Variants in HDAC9 observed in about 807,000 individuals in gnomAD.
The protein encoded by HDAC9 is MEF-2 interacting transcription repressor (MITR) protein.
A neutral mutation model predicts 139.4 loss-of-function variants in HDAC9; 41 were observed. The observed-to-expected ratio is 0.29, with a 90% confidence interval of 0.23 to 0.38. The LOEUF is 0.38. Among genes scored for constraint, HDAC9 ranks in the 10% least tolerant of loss-of-function variants. The pLI, the probability that HDAC9 is intolerant of heterozygous loss-of-function variation, is 1.00. For missense variants in HDAC9, 1,147 were observed against 1,297.0 expected (o/e 0.88, Z 1.78); for synonymous variants, 517 against 476.2 (o/e 1.09, Z -1.12).
chr7:18,414,307 A>G (rs1322982698), intron 1 of HDAC9, among the ~76,000 whole-genome samples: 1 of 152,144 alleles, frequency 6.6e-6, no homozygotes, highest in Non-Finnish European at 1.5e-5. Flanking sequence ...GATGTCCATT[A>G]AAGGACAAAA....
intron 1 of HDAC9, among the ~76,000 whole-genome samples, chr7:18,357,904 G>T (rs1783450110): frequency 6.6e-6 from 1 of 152,154 alleles, no homozygotes; most frequent in Non-Finnish European, 1.5e-5. Context: ...TTGTTTCTAG[G>T]TTGAGTGATG....
chr7:18,372,889 T>G (rs1416063612), intron 1 of HDAC9, among the ~76,000 whole-genome samples: 1 of 152,230 alleles, frequency 6.6e-6, no homozygotes, highest in Non-Finnish European at 1.5e-5. Flanking sequence ...AACAGATTTC[T>G]CTATTCATAA....
intron 8 of HDAC9, among the ~76,000 whole-genome samples, chr7:18,641,328 G>T (rs1486290992): frequency 1.3e-5 from 2 of 151,950 alleles, no homozygotes; most frequent in Admixed American, 6.6e-5. Context: ...CCAGCACTTG[G>T]CCCATTTCAT....
chr7:18,760,279 C>T (rs1275527661), intron 14 of HDAC9, among the ~76,000 whole-genome samples: 1 of 152,128 alleles, frequency 6.6e-6, no homozygotes, highest in Non-Finnish European at 1.5e-5. Flanking sequence ...ATTCTCCACC[C>T]CCTGAAATCT....
At position 18,211,244 on chromosome 7, in the gene HDAC9, T is replaced by C. The variant is rs113714790; in HGVS notation, c.25+48895T>C. Among the ~76,000 whole-genome samples the C allele has an allele frequency of 9.4e-3, 1,433 of 152,328 alleles. 21 individuals carry two copies. Among genetic ancestry groups the C allele is most frequent in the African/African-American group, 0.033 (1,356 of 41,576 alleles). On this transcript the variant is annotated intron_variant, in intron 2 of 12. Transcript: ENST00000417496. ...ATACCTTTGGGCTTGTATGAAGATCTGCTCATCATAGAAGCCCACTTACCT... is the reference window on the plus strand; with the variant it reads ...ATACCTTTGGGCTTGTATGAAGATCCGCTCATCATAGAAGCCCACTTACCT...
At chr7:18,937,458 G>A (rs544795158) in intron 23 of HDAC9, among the ~76,000 whole-genome samples, 2 of 152,256 alleles carry the variant, frequency 1.3e-5, no homozygotes, top group South Asian at 4.1e-4. Context: ...TTTCTAAAAT[G>A]TTAGTGTCTT....
In HDAC9 at chr7:18,829,205, A is replaced by G. The variant is rs769897023; in HGVS notation, c.2367A>G (p.Glu789=). ...VVRPPGHHAE[E]STAMGFCFFN... The stretch of plus-strand genomic sequence containing the variant: ...GGCCCCCTGGCCATCACGCTGAAGA[A>G]TCCACAGCCATGTAAGTACCAGGGA... Residue 789 remains glutamate, a synonymous_variant, in exon 18 of 26, where the codon GAA becomes GAG. Coordinates refer to ENST00000686413, the MANE Select transcript of HDAC9 (RefSeq NM_178425.4). The G allele has an allele frequency of 2.5e-6, 4 of 1,612,534 alleles. No homozygotes were observed. Among genetic ancestry groups the G allele is most frequent in the Non-Finnish European group, 3.4e-6 (4 of 1,178,520 alleles).
chr7:18,816,692 G>A (rs1166775992), intron 17 of HDAC9, among the ~76,000 whole-genome samples: 1 of 152,154 alleles, frequency 6.6e-6, no homozygotes, highest in Non-Finnish European at 1.5e-5. Context: ...CAGAGAGTGA[G>A]AGCAGGGGAA....
At chr7:18,672,118 G>C (rs1795708904) in intron 12 of HDAC9, among the ~76,000 whole-genome samples, 1 of 151,718 alleles carries the variant, frequency 6.6e-6, no homozygotes, top group Non-Finnish European at 1.5e-5. Flanking sequence ...TTAACTTTTC[G>C]AGGAACTGTC....
At chr7:18,296,481 C>G (rs1364699829) in intron 1 of HDAC9, among the ~76,000 whole-genome samples, 1 of 151,940 alleles carries the variant, frequency 6.6e-6, no homozygotes, top group Non-Finnish European at 1.5e-5. Flanking sequence ...ATAACTAACG[C>G]AGGATATGGA....
chr7:18,946,036 C>CAAAATAAAAAAAAAAAAAAA (rs1563077235), intron 23 of HDAC9, among the ~76,000 whole-genome samples: 28 of 38,274 alleles, frequency 7.3e-4, no homozygotes, highest in South Asian at 5.6e-3. Flanking sequence ...GACTCCGTCT[C>CAAAATAAAAAAAAAAAAAAA]AAAAAAAAAA....
intron 2 of HDAC9, among the ~76,000 whole-genome samples, chr7:18,164,312 A>AG (rs1562695079): frequency 6.6e-6 from 1 of 152,124 alleles, no homozygotes; most frequent in Non-Finnish European, 1.5e-5. Flanking sequence ...ATAAAAAAAA[A>AG]TTTTCTCCTG....
intron 1 of HDAC9, among the ~76,000 whole-genome samples, chr7:18,387,673 C>T (rs184830858): frequency 1.2e-4 from 19 of 152,266 alleles, no homozygotes; most frequent in African/African-American, 4.6e-4. Flanking sequence ...ATAACTAAGG[C>T]AGTATGTACT....
chr7:18,301,530 A>T (rs945535208), intron 1 of HDAC9, among the ~76,000 whole-genome samples: 1 of 152,190 alleles, frequency 6.6e-6, no homozygotes. Flanking sequence ...AGTAGATAGC[A>T]TAATACTTTC....
At chr7:18,509,853 T>G (rs375838155) in intron 2 of HDAC9, among the ~76,000 whole-genome samples, 1 of 152,144 alleles carries the variant, frequency 6.6e-6, no homozygotes, top group Non-Finnish European at 1.5e-5. Context: ...ATGTGTGTCC[T>G]CATCCCCCCA....
At chr7:18,097,490 G>T (rs1257231635) in intron 1 of HDAC9, among the ~76,000 whole-genome samples, 2 of 146,766 alleles carry the variant, frequency 1.4e-5, no homozygotes, top group African/African-American at 2.5e-5. Flanking sequence ...TAATGACCCA[G>T]GTTATCTTGC....
chr7:18,748,736 A>G (rs1274831207), intron 13 of HDAC9, among the ~76,000 whole-genome samples: 3 of 152,184 alleles, frequency 2.0e-5, no homozygotes, highest in Non-Finnish European at 4.4e-5. Flanking sequence ...AGTGTCTTAA[A>G]ATGTCATCAT....
chr7:18,421,615 C>G (rs936761862), intron 1 of HDAC9, among the ~76,000 whole-genome samples: 5 of 152,166 alleles, frequency 3.3e-5, no homozygotes, highest in Admixed American at 3.3e-4. Context: ...GAGACAGATT[C>G]ACACGTTCAT....
chr7:18,443,833 T>G (rs1792024877), intron 1 of HDAC9, among the ~76,000 whole-genome samples: 1 of 151,510 alleles, frequency 6.6e-6, no homozygotes. Context: ...TATACACATT[T>G]GTATAAACAT....
Sources: allele counts gnomAD v4.1 joint callset (sites outside exome capture counted in the v4.1 genomes callset), GRCh38; gene constraint gnomAD v4.1.1; transcripts MANE v1.5; gene names NCBI Gene and HGNC (gene_info 2026-07-23, HGNC 2026-07-21).